Variants in GNG12 observed in about 807,000 individuals in gnomAD.
The protein encoded by GNG12 is guanine nucleotide-binding protein G(I)/G(S)/G(O) subunit gamma-12.
For synonymous variants in GNG12, 28 were observed against 29.7 expected (o/e 0.94, Z 0.19); for missense variants, 69 against 83.8 (o/e 0.82, Z 0.69).
At chr1:67,832,051 A>AT (rs1161476333) in intron 1 of GNG12, among the ~76,000 whole-genome samples, 1 of 152,332 alleles carries the variant, frequency 6.6e-6, no homozygotes, top group East Asian at 1.9e-4. Flanking sequence ...CATCCAAAAG[A>AT]TTCATTATAC....
chr1:67,779,603 T>C (rs1185691531), intron 1 of GNG12, among the ~76,000 whole-genome samples: 3 of 152,170 alleles, frequency 2.0e-5, no homozygotes, highest in East Asian at 3.9e-4. Flanking sequence ...CACATCTCAG[T>C]TCAAAAGTCA....
At chr1:67,732,276 G>A (rs188744692) in intron 2 of GNG12, among the ~76,000 whole-genome samples, 3 of 152,304 alleles carry the variant, frequency 2.0e-5, no homozygotes, top group Admixed American at 6.5e-5. Flanking sequence ...ACTGACTATC[G>A]GGGGACCCCC....
chr1:67,783,282 C>T (rs890514610), intron 1 of GNG12, among the ~76,000 whole-genome samples: 5 of 152,156 alleles, frequency 3.3e-5, no homozygotes, highest in African/African-American at 7.2e-5. Flanking sequence ...TTTATTATCA[C>T]AAACATGATT....
intron 2 of GNG12, among the ~76,000 whole-genome samples, chr1:67,772,916 A>T (rs1646683277): frequency 6.6e-6 from 1 of 152,230 alleles, no homozygotes; most frequent in Admixed American, 6.5e-5. Flanking sequence ...TACCTCTGCC[A>T]CCATGGTGAG....
rs892930900 is a variant in GNG12, at chr1:67,791,184, G to T, written c.-76-13677C>A. Among the ~76,000 whole-genome samples, 5 of 151,788 alleles carry T rather than the reference G, an allele frequency of 3.3e-5. No homozygotes were observed. The East Asian group carries it at 9.7e-4, about 29-fold the overall frequency. ...TTCCAGGAACAATTGTGGATATGAT[G>T]ATGTAAATACAGTTTTTCTTAATCT... On this transcript the variant is annotated intron_variant, in intron 1 of 3. Transcript: ENST00000370982.
intron 1 of GNG12, among the ~76,000 whole-genome samples, chr1:67,832,091 C>T (rs1647049630): frequency 6.6e-6 from 1 of 152,184 alleles, no homozygotes; most frequent in Non-Finnish European, 1.5e-5. Context: ...CTACAACCGC[C>T]CCAGGAAATA....
At chr1:67,787,638 T>A (rs1216974856) in intron 1 of GNG12, among the ~76,000 whole-genome samples, 8 of 152,246 alleles carry the variant, frequency 5.3e-5, no homozygotes, top group African/African-American at 1.9e-4. Flanking sequence ...AGATAAATTG[T>A]ACCATGGCTA....
intron 2 of GNG12, among the ~76,000 whole-genome samples, chr1:67,761,805 A>G (rs544215174): frequency 6.6e-6 from 1 of 152,222 alleles, no homozygotes; most frequent in South Asian, 2.1e-4. Context: ...GGGAGGGTGC[A>G]GGGAGAGAGG....
At position 67,825,612 on chromosome 1, in the gene GNG12, C is replaced by T. The variant is rs137892139; in HGVS notation, c.-77+7732G>A. Among the ~76,000 whole-genome samples the T allele has an allele frequency of 5.9e-5, 9 of 152,336 alleles. No individual in the cohort carries two copies. In the East Asian group the frequency reaches 1.7e-3, roughly 29 times the overall value. ...TGGTACCTTTGATAACAAGACTCCGCACCTTTTAACCTAAACTAGAAGCCT... is the reference window on the plus strand; with the variant it reads ...TGGTACCTTTGATAACAAGACTCCGTACCTTTTAACCTAAACTAGAAGCCT... On this transcript the variant is annotated intron_variant, in intron 1 of 3. Transcript: ENST00000370982.
intron 1 of GNG12, among the ~76,000 whole-genome samples, chr1:67,783,331 T>C (rs1269266207): frequency 3.3e-5 from 5 of 152,332 alleles, no homozygotes; most frequent in African/African-American, 1.2e-4. Flanking sequence ...TTCATTCTTT[T>C]ATCTTATTTC....
At chr1:67,706,405 G>A (rs979530431) in intron 3 of GNG12, among the ~76,000 whole-genome samples, 4 of 152,134 alleles carry the variant, frequency 2.6e-5, no homozygotes, top group Admixed American at 2.0e-4. Flanking sequence ...AAAGAGAGAC[G>A]AAACCAGCAT....
At chr1:67,808,632 C>A (rs1315070384) in intron 1 of GNG12, among the ~76,000 whole-genome samples, 6 of 152,072 alleles carry the variant, frequency 3.9e-5, no homozygotes, top group Non-Finnish European at 8.8e-5. Context: ...ACAGAAAAGT[C>A]AACTGCTTTC....
intron 2 of GNG12, among the ~76,000 whole-genome samples, chr1:67,731,099 T>C (rs1646416350): frequency 6.6e-6 from 1 of 152,154 alleles, no homozygotes; most frequent in Non-Finnish European, 1.5e-5. Context: ...CTTATTCCTA[T>C]TTTGTTTTTA....
chr1:67,806,161 G>A (rs1646893584), intron 1 of GNG12, among the ~76,000 whole-genome samples: 2 of 151,866 alleles, frequency 1.3e-5, no homozygotes, highest in Non-Finnish European at 2.9e-5. Context: ...TCAGAGTGAG[G>A]GAAAATGATA....
Position 67,774,008 on chromosome 1 carries a change from C to T in GNG12, c.-27+3450G>A, listed in dbSNP as rs556218322. Among the ~76,000 whole-genome samples the T allele has an allele frequency of 2.0e-5, 3 of 152,328 alleles. No homozygotes were observed. In the South Asian group the frequency reaches 6.2e-4, roughly 32 times the overall value. On this transcript the variant is annotated intron_variant, in intron 2 of 3. Coordinates refer to ENST00000370982, the MANE Select transcript of GNG12 (RefSeq NM_018841.6). ...GACTGCACTCAGCTGTCACATCATTCACCTGCACCGAGGCAGTCGTCATTG... is the reference window on the plus strand; with the variant it reads ...GACTGCACTCAGCTGTCACATCATTTACCTGCACCGAGGCAGTCGTCATTG...
intron 1 of GNG12, among the ~76,000 whole-genome samples, chr1:67,817,395 T>C (rs1646958859): frequency 6.6e-6 from 1 of 152,216 alleles, no homozygotes; most frequent in African/African-American, 2.4e-5. Flanking sequence ...AATACCTACC[T>C]ACCTGGCAAG....
intron 3 of GNG12, among the ~76,000 whole-genome samples, chr1:67,706,468 C>T (rs1205816480): frequency 6.6e-6 from 1 of 152,058 alleles, no homozygotes; most frequent in Non-Finnish European, 1.5e-5. Flanking sequence ...AAATATCATG[C>T]CCTGTTTCAG....
Position 67,705,462 on chromosome 1 carries a change from T to C in GNG12, c.208A>G (p.Ile70Val). ...ENPFKDKKTC[I>V]IL ...GTTTCTCTATTCCACTATAAGATGA[T>C]GCAAGTTTTTTTATCCTTGAAAGGG... Residue 70 changes from isoleucine (I) to valine (V), a missense_variant, in exon 4 of 4, where the codon ATC (isoleucine) becomes GTC (valine). Ile to Val is a conservative substitution (Grantham distance 29). Transcript: ENST00000370982. 6.2e-7 allele frequency: 1 copy of C among 1,614,120 alleles called. No individual in the cohort carries two copies. Among genetic ancestry groups the C allele is most frequent in the South Asian group, 1.1e-5 (1 of 91,060 alleles).
At chr1:67,723,395 G>A (rs1361448418) in intron 2 of GNG12, among the ~76,000 whole-genome samples, 1 of 152,196 alleles carries the variant, frequency 6.6e-6, no homozygotes, top group African/African-American at 2.4e-5. Context: ...GGAAGGGTAA[G>A]TTAATGCTGT....
Sources: allele counts gnomAD v4.1 joint callset (sites outside exome capture counted in the v4.1 genomes callset), GRCh38; gene constraint gnomAD v4.1.1; transcripts MANE v1.5; gene names NCBI Gene and HGNC (gene_info 2026-07-23, HGNC 2026-07-21).